The following RASA3 variants were observed in gnomAD, a reference collection of about 807,000 sequenced individuals.
RASA3 encodes RAS p21 protein activator 3.
A neutral mutation model predicts 110.0 loss-of-function variants in RASA3; 73 were observed. The observed-to-expected ratio is 0.66, with a 90% CI of 0.55 to 0.81. The LOEUF (loss-of-function observed/expected upper bound fraction) is 0.81. Ranked by LOEUF, RASA3 falls within the 30% of genes least tolerant of loss-of-function variation. RASA3 has a pLI of 0.00. For synonymous variants in RASA3, 500 were observed against 451.4 expected, an observed-to-expected ratio of 1.11 and a Z score of -1.37; for missense variants, 976 against 1,113.2, an observed-to-expected ratio of 0.88 and a Z score of 1.75.
chr13:114,041,155 G>T, intron 3 of RASA3, 61 bp from the exon 4 acceptor site: 2 of 1,404,394 alleles, frequency 1.4e-6, no homozygotes, highest in Non-Finnish European at 2.0e-6. Context: ...GGACGCCTGT[G>T]AGCAGAAGCC....
intron 9 of RASA3, among the ~76,000 whole-genome samples, chr13:114,019,249 T>G (rs1412260642): frequency 1.3e-5 from 2 of 152,164 alleles, no homozygotes; most frequent in African/African-American, 4.8e-5. Context: ...CACCCAGCAG[T>G]GTCAGCAGCA....
In RASA3 at chr13:114,013,189, G is replaced by A. The variant is rs2053679408; in HGVS notation, c.1465C>T (p.Pro489Ser). ...AAGAGGTTGGGGGAGAGAATGGCGG[G>A]CGCAAAGAACCTCAGGAAGATGAAG... The part of the protein sequence containing the change: ...SSFIFLRFFA[P>S]AILSPNLFQL... The change falls in exon 15 of 24, where the codon CCC (proline) becomes TCC (serine). Residue 489 changes from proline (P) to serine (S), a missense_variant. Pro to Ser is a moderately conservative substitution (Grantham distance 74). Transcript: ENST00000334062. 1 of 1,613,410 alleles carries A rather than the reference G, an allele frequency of 6.2e-7. No homozygotes were observed. The highest frequency in any genetic ancestry group is 1.3e-5 in the African/African-American group (1 of 74,930).
In RASA3 at chr13:114,114,265, T is replaced by G. The variant is rs2139770011; in HGVS notation, c.55+18170A>C. On this transcript the variant is annotated intron_variant, in intron 1 of 23. Transcript: ENST00000334062. The surrounding 1 kb of genome is among the most constrained non-coding windows in gnomAD (Gnocchi z 4.8). Reference sequence around the variant, plus strand: ...TTAGAAAGGCAACCGCAAATTCAGCTGCGGAGTGCAAAACGAATTTCCTCC... The same window carrying G: ...TTAGAAAGGCAACCGCAAATTCAGCGGCGGAGTGCAAAACGAATTTCCTCC... 6.6e-6 allele frequency among the ~76,000 whole-genome samples: 1 copy of G among 152,346 alleles called. No individual in the cohort carries two copies. Among genetic ancestry groups the G allele is most frequent in the Admixed American group, 6.5e-5 (1 of 15,304 alleles).
chr13:114,064,075 T>A (rs2079405901), intron 2 of RASA3, among the ~76,000 whole-genome samples: 1 of 152,208 alleles, frequency 6.6e-6, no homozygotes, highest in Non-Finnish European at 1.5e-5. Context: ...TCACAACATT[T>A]AAGGAGGATC....
At chr13:113,980,863 G>A (rs1026291486) in intron 23 of RASA3, among the ~76,000 whole-genome samples, 3 of 152,210 alleles carry the variant, frequency 2.0e-5, no homozygotes, top group Admixed American at 2.0e-4. Context: ...GGGAAGGAGG[G>A]AGAAGAAGGG....
At chr13:113,994,590 G>A (rs566122673) in intron 21 of RASA3, among the ~76,000 whole-genome samples, 19 of 152,158 alleles carry the variant, frequency 1.2e-4, no homozygotes, top group South Asian at 1.2e-3. Context: ...TTGAGCCCAG[G>A]AGTTTGAGCA....
chr13:114,032,783 TGACACCAC>T (rs1279970306), intron 4 of RASA3, among the ~76,000 whole-genome samples: 2,929 of 47,540 alleles, frequency 0.062, 445 homozygotes, highest in African/African-American at 0.18. Flanking sequence ...ACCCCCACAC[TGACACCAC>T]GCCCCACGGC....
chr13:113,990,790 ATT>A (rs2053090995), intron 22 of RASA3, among the ~76,000 whole-genome samples: 1 of 152,208 alleles, frequency 6.6e-6, no homozygotes, highest in African/African-American at 2.4e-5. Context: ...GTGTGCAGGT[ATT>A]GTTGCCTTGC....
Position 114,057,278 on chromosome 13 carries a change from G to A in RASA3, c.174-5123C>T, listed in dbSNP as rs942837090. 2.0e-6 allele frequency: 2 copies of A among 985,286 alleles called. No individual in the cohort carries two copies. The highest frequency in any genetic ancestry group is 3.5e-5 in the African/African-American group (2 of 57,224). The allele number at this position is 985,286 out of a possible 1,614,324, so 61.0% of individuals were successfully genotyped here. ...TCAAGTCTTTCAGGAAACCAGGCAG[G>A]ACATCTGCAGGCGGCCGGCCAGCCT... On this transcript the variant is annotated intron_variant, in intron 2 of 23. Coordinates refer to ENST00000334062, the MANE Select transcript of RASA3 (RefSeq NM_007368.4). The surrounding 1 kb of genome is among the most constrained non-coding windows in gnomAD (Gnocchi z 5.0).
intron 3 of RASA3, among the ~76,000 whole-genome samples, chr13:114,045,340 G>T (rs866513906): frequency 6.6e-6 from 1 of 152,220 alleles, no homozygotes; most frequent in African/African-American, 2.4e-5. Flanking sequence ...CACCACGAGA[G>T]GCCGGAAGGG....
At chr13:114,024,758 C>G (rs1307365045) in intron 7 of RASA3, among the ~76,000 whole-genome samples, 1 of 152,232 alleles carries the variant, frequency 6.6e-6, no homozygotes, top group Non-Finnish European at 1.5e-5. Context: ...GGCCCCACCT[C>G]AAGGCTCTAT....
At chr13:114,034,943 T>C (rs1385096627) in intron 4 of RASA3, among the ~76,000 whole-genome samples, 1 of 149,962 alleles carries the variant, frequency 6.7e-6, no homozygotes, top group African/African-American at 2.5e-5. Context: ...GACCTGAGCT[T>C]AGAGCAGAAG....
In RASA3 at chr13:114,048,775, A is replaced by G. The variant is rs547314647; in HGVS notation, c.277+3277T>C. The stretch of plus-strand genomic sequence containing the variant: ...CTGTGGGCCATGGACCCAGGGACAG[A>G]GGAGGCTACGGTCACGCCGCCCGGG... On this transcript the variant is annotated intron_variant, in intron 3 of 23. Coordinates refer to ENST00000334062, the MANE Select transcript of RASA3 (RefSeq NM_007368.4). The surrounding 1 kb of genome is among the most constrained non-coding windows in gnomAD (Gnocchi z 4.3). Among the ~76,000 whole-genome samples the G allele has an allele frequency of 6.6e-6, 1 of 151,190 alleles. No homozygotes were observed. Among genetic ancestry groups the G allele is most frequent in the Non-Finnish European group, 1.5e-5 (1 of 67,744 alleles).
chr13:114,107,691 C>T (rs1389031186), intron 1 of RASA3: 1 of 152,308 alleles, frequency 6.6e-6, no homozygotes, highest in Non-Finnish European at 1.5e-5. Flanking sequence ...CCATGGCTAT[C>T]CACATGCCCA....
rs372051944 is a variant in RASA3, at chr13:114,088,806, T to C, written c.56-14969A>G. 6.6e-5 allele frequency among the ~76,000 whole-genome samples: 10 copies of C among 152,298 alleles called. 1 individual carries two copies. Among genetic ancestry groups the C allele is most frequent in the African/African-American group, 2.4e-4 (10 of 41,568 alleles). On this transcript the variant is annotated intron_variant, in intron 1 of 23. Coordinates refer to ENST00000334062, the MANE Select transcript of RASA3 (RefSeq NM_007368.4). ...CTCAGGTGATCCAACCGCCTTGGCC[T>C]CCCAAAGTGCTGGGATTACAGGCGT...
At chr13:114,034,285 C>T (rs1055191163) in intron 4 of RASA3, among the ~76,000 whole-genome samples, 20 of 152,276 alleles carry the variant, frequency 1.3e-4, no homozygotes, top group Non-Finnish European at 2.8e-4. Flanking sequence ...GGCGCAAACT[C>T]TCTCAGGACA....
Position 113,978,208 on chromosome 13 carries a change from G to C in RASA3, c.*1139C>G, listed in dbSNP as rs894674165. On this transcript the variant is annotated 3_prime_UTR_variant, in exon 24 of 24. Transcript: ENST00000334062. ...CCTCCCCAATAAAACAGCAGCCCCC[G>C]CCCCTGCCCTGCACAGCATCTGGGG... 6.6e-6 allele frequency: 1 copy of C among 152,126 alleles called. No individual in the cohort carries two copies. The highest frequency in any genetic ancestry group is 2.4e-5 in the African/African-American group (1 of 41,400). The allele number at this position is 152,126 out of a possible 1,614,324, so 9.4% of individuals were successfully genotyped here. A position where few individuals can be genotyped will look rare whatever the true frequency, so the allele number is the denominator to read the frequency against.
At position 114,125,914 on chromosome 13, in the gene RASA3, G is replaced by A. The variant is rs1000341018; in HGVS notation, c.55+6521C>T. Among the ~76,000 whole-genome samples, 202 of 137,042 alleles carry A rather than the reference G, an allele frequency of 1.5e-3. 1 individual carries two copies. Among genetic ancestry groups the A allele is most frequent in the African/African-American group, 5.3e-3 (189 of 35,516 alleles). The allele number at this position is 137,042 out of a possible 152,430, so 89.9% of individuals were successfully genotyped here. The stretch of plus-strand genomic sequence containing the variant: ...GTACCGGCACCTGCTGCCCAACCTC[G>A]CACCCTCCAGAGGTACCGGCACCTG... On this transcript the variant is annotated intron_variant, in intron 1 of 23. Coordinates refer to ENST00000334062, the MANE Select transcript of RASA3 (RefSeq NM_007368.4).
intron 1 of RASA3, among the ~76,000 whole-genome samples, chr13:114,079,615 C>T (rs1396041858): frequency 6.6e-6 from 1 of 152,218 alleles, no homozygotes; most frequent in Non-Finnish European, 1.5e-5. Context: ...CGATCCCAGC[C>T]CTGGCCCCTG....
Sources: gnomAD v4.1 joint callset for allele counts (sites outside exome capture counted in the v4.1 genomes callset) on GRCh38, gnomAD v4.1.1 for gene constraint, Gnocchi (gnomAD v3.1) non-coding constraint, MANE v1.5 for transcripts, NCBI Gene and HGNC (gene_info 2026-07-23, HGNC 2026-07-21) for gene names.